FOXN3: variants seen among roughly 807,000 people sequenced by gnomAD.
FOXN3 encodes the protein forkhead box protein N3.
A neutral mutation model predicts 38.4 loss-of-function variants in FOXN3; 7 were observed. The ratio of observed to expected loss-of-function variants is 0.18; its 90% CI spans 0.10 to 0.34. The LOEUF is 0.34. Among genes scored for constraint, FOXN3 ranks in the 10% least tolerant of loss-of-function variants. The pLI, the probability that FOXN3 is intolerant of heterozygous loss-of-function variation, is 1.00. For synonymous variants in FOXN3, 230 were observed against 242.2 expected (o/e 0.95, Z 0.47); for missense variants, 456 against 613.4 (o/e 0.74, Z 2.71).
At chr14:89,381,406 C>G (rs1055753591) in intron 2 of FOXN3, among the ~76,000 whole-genome samples, 1 of 151,870 alleles carries the variant, frequency 6.6e-6, no homozygotes, top group South Asian at 2.1e-4. Flanking sequence ...TTTCCAACAT[C>G]TGGTGACATA....
intron 3 of FOXN3, among the ~76,000 whole-genome samples, chr14:89,342,316 T>C (rs994033653): frequency 9.8e-5 from 15 of 152,296 alleles, no homozygotes; most frequent in Non-Finnish European, 2.1e-4. Context: ...GAGCTACCCC[T>C]GATACAAAGT....
At chr14:89,473,102 G>A (rs1893139919) in intron 1 of FOXN3, among the ~76,000 whole-genome samples, 1 of 152,050 alleles carries the variant, frequency 6.6e-6, no homozygotes, top group Non-Finnish European at 1.5e-5. Flanking sequence ...TCAGCTCACT[G>A]TAAGCTCCAT....
chr14:89,515,064 C>T (rs1460555967), intron 1 of FOXN3, among the ~76,000 whole-genome samples: 2 of 152,036 alleles, frequency 1.3e-5, no homozygotes, highest in East Asian at 1.9e-4. Context: ...GGATTACAAG[C>T]GCCCGCCACC....
intron 1 of FOXN3, among the ~76,000 whole-genome samples, chr14:89,574,002 G>A (rs534514151): frequency 1.3e-5 from 2 of 152,146 alleles, no homozygotes; most frequent in Non-Finnish European, 2.9e-5. Context: ...TTGCATTCCA[G>A]CCTGAGCAAC....
intron 3 of FOXN3, among the ~76,000 whole-genome samples, chr14:89,331,076 AT>A (rs1045528288): frequency 1.3e-5 from 2 of 152,182 alleles, no homozygotes; most frequent in African/African-American, 4.8e-5. Flanking sequence ...CACTTAAACA[AT>A]TTTTTAGGTG....
intron 2 of FOXN3, among the ~76,000 whole-genome samples, chr14:89,410,920 A>G (rs1891528551): frequency 6.6e-6 from 1 of 152,190 alleles, no homozygotes; most frequent in Non-Finnish European, 1.5e-5. Flanking sequence ...AAAGAAAAAG[A>G]AAGCAAATTA....
In FOXN3 at chr14:89,539,434, T is replaced by C. The variant is rs772452849; in HGVS notation, c.-15+79594A>G. On this transcript the variant is annotated intron_variant, in intron 1 of 6. Coordinates refer to the FOXN3 transcript ENST00000345097. ...CCAGTGAAAATGATACATAAAACAC[T>C]CCCCTGTTTTTATTTTGCCATTGTC... is the stretch of plus-strand genomic sequence containing the variant. 5.9e-4 allele frequency among the ~76,000 whole-genome samples: 90 copies of C among 152,060 alleles called. 1 individual carries two copies. Among genetic ancestry groups the C allele is most frequent in the Admixed American group, 3.9e-4 (6 of 15,258 alleles).
In FOXN3 at chr14:89,204,099, AC is replaced by A. The variant is rs1224934340; in HGVS notation, c.746-23294del. Among the ~76,000 whole-genome samples the A allele has an allele frequency of 2.0e-3, 259 of 130,636 alleles. 2 individuals are homozygous for A. Among genetic ancestry groups the A allele is most frequent in the African/African-American group, 7.3e-3 (241 of 33,166 alleles). The allele number at this position is 130,636 out of a possible 152,430, so 85.7% of individuals were successfully genotyped here. A position where few individuals can be genotyped will look rare whatever the true frequency, so the allele number is the denominator to read the frequency against. The stretch of plus-strand genomic sequence containing the variant: ...CACACACACACACACACACACACAC[AC>A]ACAACTACTACTACAACCACCCACA... On this transcript the variant is annotated intron_variant, in intron 4 of 5. Transcript: ENST00000557258.
chr14:89,510,401 G>A (rs72703683), intron 1 of FOXN3, among the ~76,000 whole-genome samples: 41,654 of 152,070 alleles, frequency 0.27, 6,284 homozygotes, highest in Non-Finnish European at 0.33. Flanking sequence ...GATCTGCCAG[G>A]GAGCCAGCCC....
At chr14:89,447,796 T>C (rs1892533889) in intron 1 of FOXN3, among the ~76,000 whole-genome samples, 1 of 150,302 alleles carries the variant, frequency 6.7e-6, no homozygotes, top group African/African-American at 2.4e-5. Flanking sequence ...CCGCAGTGGT[T>C]TCCTGATGCC....
intron 4 of FOXN3, among the ~76,000 whole-genome samples, chr14:89,249,387 G>T (rs1207012561): frequency 6.6e-6 from 1 of 152,174 alleles, no homozygotes; most frequent in Non-Finnish European, 1.5e-5. Context: ...AACTCTTAGA[G>T]CAGCCACTGT....
At chr14:89,542,863 A>C (rs145208076) in intron 1 of FOXN3, among the ~76,000 whole-genome samples, 1 of 152,324 alleles carries the variant, frequency 6.6e-6, no homozygotes, top group African/African-American at 2.4e-5. Context: ...GCATTTCAGC[A>C]GTGGCAAAGA....
intron 1 of FOXN3, among the ~76,000 whole-genome samples, chr14:89,429,680 A>AC (rs1892116551): frequency 6.6e-6 from 1 of 152,212 alleles, no homozygotes. Context: ...CCTGAAGGGG[A>AC]ACAGGCGGCC....
At chr14:89,574,465 C>G (rs1307053104) in intron 1 of FOXN3, among the ~76,000 whole-genome samples, 2 of 152,056 alleles carry the variant, frequency 1.3e-5, no homozygotes, top group Admixed American at 1.3e-4. Flanking sequence ...AGAGAGAGAA[C>G]CAGTGGGTGC....
At chr14:89,360,046 A>G (rs899905814) in intron 2 of FOXN3, among the ~76,000 whole-genome samples, 2 of 152,212 alleles carry the variant, frequency 1.3e-5, no homozygotes, top group African/African-American at 4.8e-5. Flanking sequence ...ACGGTCTCCC[A>G]GGATCTGGCA....
rs115812185 is a variant in FOXN3 at position 89,314,768 on chromosome 14, T to C, written c.681-33754A>G. On this transcript the variant is annotated intron_variant, in intron 3 of 5. Transcript: ENST00000557258. ...GTTTCCCTACTAGGCCACACGTGTA[T>C]GCACAAACATACAGACACAGTCACT... Among the ~76,000 whole-genome samples, 450 of 152,218 alleles carry C rather than the reference T, an allele frequency of 3.0e-3. 5 individuals carry two copies. The highest frequency in any genetic ancestry group is 9.9e-3 in the African/African-American group (412 of 41,536).
chr14:89,429,442 C>A (rs1262347815), intron 1 of FOXN3, among the ~76,000 whole-genome samples: 1 of 152,162 alleles, frequency 6.6e-6, no homozygotes, highest in Non-Finnish European at 1.5e-5. Context: ...AATATCAAAC[C>A]AAGCACAAAG....
intron 1 of FOXN3, among the ~76,000 whole-genome samples, chr14:89,510,472 C>G (rs1894034890): frequency 6.6e-6 from 1 of 152,172 alleles, no homozygotes. Context: ...ATTGCAGCTC[C>G]AGGACCCAAG....
At chr14:89,579,850 G>C (rs1384493559) in intron 1 of FOXN3, among the ~76,000 whole-genome samples, 1 of 151,890 alleles carries the variant, frequency 6.6e-6, no homozygotes, top group East Asian at 1.9e-4. Context: ...TTATTTCCTT[G>C]TGTCTTCAAT....
Sources: gnomAD v4.1 joint callset for allele counts (sites outside exome capture counted in the v4.1 genomes callset) on GRCh38, gnomAD v4.1.1 for gene constraint, MANE v1.5 for transcripts, NCBI Gene and HGNC (gene_info 2026-07-23, HGNC 2026-07-21) for gene names.